Variants in PRRX2 observed in about 807,000 individuals in gnomAD.
The protein encoded by PRRX2 is paired related homeobox 2.
A neutral mutation model predicts 18.0 loss-of-function variants in PRRX2; 11 were observed. The ratio of observed to expected loss-of-function variants is 0.61; its 90% CI spans 0.39 to 1.01. The LOEUF (loss-of-function observed/expected upper bound fraction) is 1.01. PRRX2 is among the 50% of genes least tolerant of loss of function. The probability of loss-of-function intolerance (pLI) is 0.01; values close to 1 mark genes in which losing one functional copy is unlikely to be tolerated. For synonymous variants in PRRX2, 177 were observed against 154.8 expected (o/e 1.14, Z -1.06); for missense variants, 387 against 351.0 (o/e 1.10, Z -0.82).
At chr9:129,692,627 A>C (rs1329319067) in intron 1 of PRRX2, among the ~76,000 whole-genome samples, 3 of 152,158 alleles carry the variant, frequency 2.0e-5, no homozygotes, top group Non-Finnish European at 4.4e-5. Flanking sequence ...CTTTTTCAGA[A>C]CGTCATGTGG....
intron 1 of PRRX2, among the ~76,000 whole-genome samples, chr9:129,686,139 G>A (rs549443271): frequency 1.1e-4 from 17 of 152,278 alleles, no homozygotes; most frequent in East Asian, 5.8e-4. Context: ...GGTGGGGCTC[G>A]TAGGGGGCAG....
intron 1 of PRRX2, among the ~76,000 whole-genome samples, chr9:129,666,551 G>C (rs553019533): frequency 2.6e-5 from 4 of 151,204 alleles, no homozygotes; most frequent in South Asian, 2.1e-4. Flanking sequence ...GGGCTCTTTG[G>C]GGGGCGAGGG....
At chr9:129,714,731 C>T (rs1028410045) in intron 1 of PRRX2, among the ~76,000 whole-genome samples, 1 of 152,212 alleles carries the variant, frequency 6.6e-6, no homozygotes, top group Admixed American at 6.5e-5. Flanking sequence ...GCTTACTCGG[C>T]AAGGCGAAGG....
intron 1 of PRRX2, among the ~76,000 whole-genome samples, chr9:129,705,684 G>A (rs1050592533): frequency 4.6e-5 from 7 of 151,974 alleles, no homozygotes; most frequent in Admixed American, 6.6e-5. Context: ...AGGATCCTGG[G>A]CTCAGAAGAA....
At chr9:129,673,463 T>TA (rs879628784) in intron 1 of PRRX2, among the ~76,000 whole-genome samples, 3 of 152,018 alleles carry the variant, frequency 2.0e-5, no homozygotes, top group African/African-American at 2.4e-5. Context: ...TCTCAAAAAA[T>TA]AAAAAAACGA....
In PRRX2 at chr9:129,665,810, C is replaced by T. The variant is rs982778976; in HGVS notation, c.-58C>T. The T allele has an allele frequency of 3.9e-6, 4 of 1,015,140 alleles. No homozygotes were observed. The Admixed American group carries it at 1.7e-4, about 44-fold the overall frequency. The allele number at this position is 1,015,140 out of a possible 1,614,324, so 62.9% of individuals were successfully genotyped here. A position where few individuals can be genotyped will look rare whatever the true frequency, so the allele number is the denominator to read the frequency against. On this transcript the variant is annotated 5_prime_UTR_variant, in exon 1 of 4. Transcript: ENST00000372469. The surrounding 1 kb of genome is among the most constrained non-coding windows in gnomAD (Gnocchi z 5.3). ...CTCTCGCTCCGACCCGCGCCCGCGA[C>T]CCTTCCTGGGACCCGAGCCCGAGAC... is the stretch of plus-strand genomic sequence containing the variant.
At chr9:129,698,265 G>GA in intron 1 of PRRX2, among the ~76,000 whole-genome samples, 1 of 103,928 alleles carries the variant, frequency 9.6e-6, no homozygotes, top group Non-Finnish European at 2.0e-5. Context: ...GGCGGGGGGG[G>GA]GGGGGGGCGG....
At chr9:129,685,911 T>C (rs34961634) in intron 1 of PRRX2, among the ~76,000 whole-genome samples, 2,948 of 152,046 alleles carry the variant, frequency 0.019, 42 homozygotes, top group Middle Eastern at 0.065. Flanking sequence ...GATGGTGGAG[T>C]GGCTGGGAGA....
At chr9:129,682,188 TC>T (rs1285259214) in intron 1 of PRRX2, among the ~76,000 whole-genome samples, 1 of 151,982 alleles carries the variant, frequency 6.6e-6, no homozygotes, top group Non-Finnish European at 1.5e-5. Context: ...GGGGCTTCTT[TC>T]CCTCAACCTC....
chr9:129,688,251 T>TG (rs1413517718), intron 1 of PRRX2, among the ~76,000 whole-genome samples: 1 of 151,964 alleles, frequency 6.6e-6, no homozygotes, highest in Non-Finnish European at 1.5e-5. Flanking sequence ...TTTGTAGAGA[T>TG]GGGGGTCTCA....
At chr9:129,682,743 C>T (rs964943116) in intron 1 of PRRX2, among the ~76,000 whole-genome samples, 2 of 152,174 alleles carry the variant, frequency 1.3e-5, no homozygotes, top group Non-Finnish European at 2.9e-5. Context: ...TCAAGGACAG[C>T]CCCAGAGAGG....
intron 1 of PRRX2, among the ~76,000 whole-genome samples, chr9:129,676,034 A>G (rs1312645376): frequency 6.6e-6 from 1 of 152,164 alleles, no homozygotes; most frequent in Non-Finnish European, 1.5e-5. Flanking sequence ...CCTCAGGTGG[A>G]GGCTGCTCCC....
At position 129,675,253 on chromosome 9, in the gene PRRX2, A is replaced by C. The variant is rs1324933816; in HGVS notation, c.259+9127A>C. Among the ~76,000 whole-genome samples, 8 of 152,188 alleles carry C rather than the reference A, an allele frequency of 5.3e-5. No individual in the cohort carries two copies. Among genetic ancestry groups the C allele is most frequent in the Admixed American group, 5.2e-4 (8 of 15,282 alleles). ...AGCTGCACTGCCGGGTCTAGGAGGA[A>C]GTATTTGCTCTCGACCATCCACCAG... On this transcript the variant is annotated intron_variant, in intron 1 of 3. Coordinates refer to ENST00000372469, the MANE Select transcript of PRRX2 (RefSeq NM_016307.4). The surrounding 1 kb of genome is among the most constrained non-coding windows in gnomAD (Gnocchi z 4.4).
intron 1 of PRRX2, among the ~76,000 whole-genome samples, chr9:129,698,460 G>A (rs1247132713): frequency 6.6e-6 from 1 of 152,228 alleles, no homozygotes; most frequent in Non-Finnish European, 1.5e-5. Context: ...CCATGATCGG[G>A]AGGAGGGTGT....
chr9:129,712,666 C>G lies in PRRX2; in HGVS notation c.260-6565C>G, dbSNP rs946103727. Among the ~76,000 whole-genome samples the G allele has an allele frequency of 2.0e-5, 3 of 152,200 alleles. No individual in the cohort carries two copies. In the South Asian group the frequency reaches 6.2e-4, roughly 32 times the overall value. On this transcript the variant is annotated intron_variant, in intron 1 of 3. Transcript: ENST00000372469. Reference sequence around the variant, plus strand: ...GAGACAGCGCGAGACAGGCCTCCCCCATCTGAGCTCGTTTCTCTCCTCTGG... The same window carrying G: ...GAGACAGCGCGAGACAGGCCTCCCCGATCTGAGCTCGTTTCTCTCCTCTGG...
At chr9:129,666,982 C>T (rs1440066565) in intron 1 of PRRX2, among the ~76,000 whole-genome samples, 2 of 152,178 alleles carry the variant, frequency 1.3e-5, no homozygotes, top group African/African-American at 2.4e-5. Flanking sequence ...CCACCCGCCC[C>T]GGGGGACCCT....
intron 1 of PRRX2, among the ~76,000 whole-genome samples, chr9:129,696,977 G>A (rs1832432714): frequency 6.6e-6 from 1 of 152,216 alleles, no homozygotes; most frequent in African/African-American, 2.4e-5. Context: ...GTGACCTTGG[G>A]CGACTGACCT....
At position 129,722,304 on chromosome 9, in the gene PRRX2, G is replaced by A; in HGVS notation, c.714G>A (p.Lys238=). 1.2e-6 allele frequency: 2 copies of A among 1,614,040 alleles called. No homozygotes were observed. The highest frequency in any genetic ancestry group is 2.2e-5 in the South Asian group (2 of 91,086). ...MANSIASLRL[K]AKEFSLHHSQ... ...ACAGCATCGCCAGCCTCCGTCTCAA[G>A]GCCAAGGAGTTCAGCCTGCACCACA... is the stretch of plus-strand genomic sequence containing the variant. The change falls in exon 4 of 4, where the codon AAG becomes AAA. Residue 238 remains lysine (K), a synonymous_variant. Transcript: ENST00000372469.
intron 1 of PRRX2, among the ~76,000 whole-genome samples, chr9:129,710,648 G>T (rs1022526601): frequency 2.6e-5 from 4 of 152,170 alleles, no homozygotes; most frequent in African/African-American, 9.7e-5. Context: ...CAGGAGAATC[G>T]TTTGAACCTG....
Sources: allele counts gnomAD v4.1 joint callset (sites outside exome capture counted in the v4.1 genomes callset), GRCh38; gene constraint gnomAD v4.1.1; non-coding constraint Gnocchi (gnomAD v3.1); transcripts MANE v1.5; gene names NCBI Gene and HGNC (gene_info 2026-07-23, HGNC 2026-07-21).